The following ADGRG6 variants were observed in gnomAD, a reference collection of about 807,000 sequenced individuals.
The protein encoded by ADGRG6 is adhesion G protein-coupled receptor G6.
In ADGRG6, 84 loss-of-function variants were observed where a neutral mutation model predicts 142.4. That is an observed-to-expected ratio of 0.59 (90% confidence interval 0.49 to 0.71). ADGRG6 has a LOEUF of 0.71. Ranked by LOEUF, ADGRG6 falls within the 30% of genes least tolerant of loss-of-function variation. The pLI is 0.00. For missense variants in ADGRG6, 1,367 were observed against 1,466.6 expected, an observed-to-expected ratio of 0.93 and a Z score of 1.11; for synonymous variants, 521 against 520.5, an observed-to-expected ratio of 1.00 and a Z score of -0.01.
At chr6:142,420,596 A>C (rs1776616394) in intron 22 of ADGRG6, among the ~76,000 whole-genome samples, 1 of 152,154 alleles carries the variant, frequency 6.6e-6, no homozygotes, top group African/African-American at 2.4e-5. Flanking sequence ...TTGATTTCAG[A>C]ATAAATACCA....
chr6:142,323,598 G>A (rs190628216), intron 2 of ADGRG6, among the ~76,000 whole-genome samples: 5 of 152,180 alleles, frequency 3.3e-5, no homozygotes, highest in East Asian at 1.9e-4. Flanking sequence ...GAAATGCATC[G>A]TTAGGTGATT....
In ADGRG6 at chr6:142,408,363, C is replaced by CT. The variant is rs1281088320; in HGVS notation, c.2388+101dup. The CT allele has an allele frequency of 4.3e-6, 4 of 931,586 alleles. No homozygotes were observed. The African/African-American group carries it at 5.0e-5, about 12-fold the overall frequency. The allele number at this position is 931,586 out of a possible 1,614,324, so 57.7% of individuals were successfully genotyped here. ...TCTACATGTTAAAAAGTAACTGACC[C>CT]TTTTTTTGTGGAGTAGGGCCCAGTT... On this transcript the variant is annotated intron_variant, in intron 16 of 24. Transcript: ENST00000367609.
Position 142,353,934 on chromosome 6 carries a change from G to A in ADGRG6, c.104-13635G>A, listed in dbSNP as rs73580423. 5.6e-3 allele frequency among the ~76,000 whole-genome samples: 858 copies of A among 152,180 alleles called. 11 individuals are homozygous for A. Among genetic ancestry groups the A allele is most frequent in the African/African-American group, 0.019 (803 of 41,518 alleles). On this transcript the variant is annotated intron_variant, in intron 2 of 24. Transcript: ENST00000367609. Reference sequence around the variant, plus strand: ...AGAGGACAGTAGCCTCTTTCAAACCGAAACATTACAGAAAGTTCCACCCAG... The same window carrying A: ...AGAGGACAGTAGCCTCTTTCAAACCAAAACATTACAGAAAGTTCCACCCAG...
intron 14 of ADGRG6, chr6:142,404,230 G>A (rs1048650078): frequency 2.3e-6 from 1 of 436,280 alleles, no homozygotes. Context: ...ATGAGTAGGG[G>A]CCACCATACT....
intron 6 of ADGRG6, among the ~76,000 whole-genome samples, chr6:142,384,126 C>T (rs1402202043): frequency 6.6e-6 from 1 of 151,960 alleles, no homozygotes; most frequent in East Asian, 1.9e-4. Flanking sequence ...AATTAGAAGG[C>T]ATTAATGTGC....
chr6:142,369,782 T>C (rs535315348), intron 3 of ADGRG6, among the ~76,000 whole-genome samples: 4 of 152,242 alleles, frequency 2.6e-5, no homozygotes, highest in Non-Finnish European at 5.9e-5. Context: ...ATTTGAAAAG[T>C]AGTATTTTTG....
chr6:142,437,336 TA>T, intron 22 of ADGRG6, 97 bp from the exon 23 acceptor site: 1 of 612,502 alleles, frequency 1.6e-6, no homozygotes, highest in Non-Finnish European at 2.9e-6. Flanking sequence ...GCCTTTGATG[TA>T]AAAAATTTAA....
chr6:142,303,987 G>T lies in ADGRG6; in HGVS notation c.2+1656G>T, dbSNP rs1227633379. Among the ~76,000 whole-genome samples, 3 of 151,996 alleles carry T rather than the reference G, an allele frequency of 2.0e-5. No homozygotes were observed. The East Asian group carries it at 5.8e-4, about 29-fold the overall frequency. ...ATACCTAGATTTGAGATTCTTTTTT[G>T]AGCTATTTTGACTGAAAGTTTTCAT... is the stretch of plus-strand genomic sequence containing the variant. On this transcript the variant is annotated intron_variant, in intron 1 of 24. Transcript: ENST00000367609.
Position 142,370,732 on chromosome 6 carries a change from G to T in ADGRG6, c.1008G>T (p.Trp336Cys). Residue 336 changes from tryptophan to cysteine, a missense_variant, in exon 4 of 25, where the codon TGG (tryptophan) becomes TGT (cysteine). Transcript: ENST00000367609. ...SCNVKGNVVDWQNDFWNIPNL... is the reference protein window; with the variant it reads ...SCNVKGNVVDCQNDFWNIPNL... ...ATGTGAAAGGGAATGTAGTCGACTG[G>T]CAAAATGACTTCTGGAATATCCCAA... is the stretch of plus-strand genomic sequence containing the variant. The T allele has an allele frequency of 6.2e-7, 1 of 1,613,572 alleles. No individual in the cohort carries two copies. The highest frequency in any genetic ancestry group is 8.5e-7 in the Non-Finnish European group (1 of 1,179,786).
chr6:142,391,672 T>C (rs920250763), intron 7 of ADGRG6, among the ~76,000 whole-genome samples: 10 of 151,964 alleles, frequency 6.6e-5, no homozygotes, highest in East Asian at 3.9e-4. Flanking sequence ...GAATGCCACA[T>C]TGAGATTAGT....
At chr6:142,353,883 A>G (rs183603097) in intron 2 of ADGRG6, among the ~76,000 whole-genome samples, 10 of 152,280 alleles carry the variant, frequency 6.6e-5, no homozygotes, top group Non-Finnish European at 1.3e-4. Flanking sequence ...CAGCAGCCCA[A>G]ATCTAATTGT....
intron 2 of ADGRG6, among the ~76,000 whole-genome samples, chr6:142,315,938 G>A (rs889315239): frequency 3.3e-5 from 5 of 152,058 alleles, no homozygotes; most frequent in Non-Finnish European, 5.9e-5. Flanking sequence ...ACCATCTCCT[G>A]TGAAAAAACT....
Position 142,415,056 on chromosome 6 carries a change from AT to A in ADGRG6, c.2635del (p.Ser879GlnfsTer6). 6.2e-7 allele frequency: 1 copy of A among 1,612,008 alleles called. No individual in the cohort carries two copies. The highest frequency in any genetic ancestry group is 2.2e-5 in the East Asian group (1 of 44,760). ...ISYIGCGISA[I>X]FSAATLLTYV... Reference sequence around the variant, plus strand: ...CTATATTGGGTGTGGAATATCTGCTATTTTTTCAGCAGCAACTCTCCTGACA... The same window carrying A: ...CTATATTGGGTGTGGAATATCTGCTATTTTTCAGCAGCAACTCTCCTGACA... On this transcript the variant is annotated frameshift_variant, in exon 19 of 25. Transcript: ENST00000367609. LOFTEE classifies it high-confidence loss of function.
intron 6 of ADGRG6, among the ~76,000 whole-genome samples, chr6:142,384,588 T>G (rs1781938185): frequency 6.6e-6 from 1 of 152,154 alleles, no homozygotes; most frequent in Non-Finnish European, 1.5e-5. Flanking sequence ...TTCAGTTTCT[T>G]CTAATAAAAG....
At chr6:142,396,673 A>C (rs931855521) in intron 9 of ADGRG6, among the ~76,000 whole-genome samples, 2 of 152,150 alleles carry the variant, frequency 1.3e-5, no homozygotes, top group African/African-American at 4.8e-5. Flanking sequence ...GATCTCAATA[A>C]TATAACGTCT....
intron 2 of ADGRG6, among the ~76,000 whole-genome samples, chr6:142,338,017 G>GTTTTTTTTTTTTTGTTTGTTTGTTT (rs1779413370): frequency 1.1e-4 from 4 of 35,392 alleles, no homozygotes; most frequent in African/African-American, 5.1e-4. Flanking sequence ...TTGTATCTTT[G>GTTTTTTTTTTTTTGTTTGTTTGTTT]TTTTTTTTTT....
At chr6:142,375,291 G>A (rs1361499148) in intron 4 of ADGRG6, among the ~76,000 whole-genome samples, 1 of 152,160 alleles carries the variant, frequency 6.6e-6, no homozygotes, top group Non-Finnish European at 1.5e-5. Flanking sequence ...TGTCAAAAGG[G>A]TACCGTGAAC....
chr6:142,422,609 A>G (rs969594726), intron 22 of ADGRG6, among the ~76,000 whole-genome samples: 5 of 151,022 alleles, frequency 3.3e-5, no homozygotes, highest in African/African-American at 7.3e-5. Context: ...ATTGTGAATA[A>G]TGCCACAATA....
chr6:142,366,868 A>G (rs1008380998), intron 2 of ADGRG6, among the ~76,000 whole-genome samples: 4 of 152,152 alleles, frequency 2.6e-5, no homozygotes, highest in African/African-American at 9.7e-5. Context: ...ATAAATATTT[A>G]CTAAATGAAT....
Sources: gnomAD v4.1 joint callset for allele counts (sites outside exome capture counted in the v4.1 genomes callset) on GRCh38, gnomAD v4.1.1 for gene constraint, MANE v1.5 for transcripts, NCBI Gene and HGNC (gene_info 2026-07-23, HGNC 2026-07-21) for gene names.